RABGAP1L: variants seen among roughly 807,000 people sequenced by gnomAD.
RABGAP1L encodes the protein rab GTPase-activating protein 1-like.
A neutral mutation model predicts 137.7 loss-of-function variants in RABGAP1L; 63 were observed. That is an observed-to-expected ratio of 0.46 (90% CI 0.37 to 0.56). The LOEUF is 0.56. RABGAP1L is among the 20% of genes least tolerant of loss of function. The pLI, the probability that RABGAP1L is intolerant of heterozygous loss-of-function variation, is 0.00. For synonymous variants in RABGAP1L, 431 were observed against 433.7 expected (o/e 0.99, Z 0.08); for missense variants, 1,095 against 1,244.0 (o/e 0.88, Z 1.80).
intron 14 of RABGAP1L, among the ~76,000 whole-genome samples, chr1:174,642,714 C>T (rs1383762659): frequency 8.7e-5 from 12 of 137,902 alleles, no homozygotes; most frequent in African/African-American, 2.2e-4. Flanking sequence ...TTTTCTTTTT[C>T]TCTCTCTCTC....
intron 13 of RABGAP1L, among the ~76,000 whole-genome samples, chr1:174,598,462 A>T (rs1043002659): frequency 4.6e-5 from 7 of 151,698 alleles, no homozygotes; most frequent in African/African-American, 7.3e-5. Context: ...TTTTTTGTTG[A>T]TTTTTCAGTC....
chr1:174,775,673 A>G (rs141772752), intron 18 of RABGAP1L, among the ~76,000 whole-genome samples: 1 of 152,168 alleles, frequency 6.6e-6, no homozygotes, highest in African/African-American at 2.4e-5. Flanking sequence ...CTGACCTTTC[A>G]GTGTCTGTGA....
chr1:174,528,570 T>C (rs1664124782), intron 13 of RABGAP1L, among the ~76,000 whole-genome samples: 1 of 151,736 alleles, frequency 6.6e-6, no homozygotes. Context: ...AAGAAACTCA[T>C]TGTTAGTCTG....
chr1:174,364,542 C>G, intron 11 of RABGAP1L, among the ~76,000 whole-genome samples: 1 of 152,072 alleles, frequency 6.6e-6, no homozygotes, highest in Non-Finnish European at 1.5e-5. Context: ...GCGTGAGCCA[C>G]CGCGCCCGGC....
chr1:174,810,600 G>T (rs1479591458), intron 18 of RABGAP1L, among the ~76,000 whole-genome samples: 2 of 151,994 alleles, frequency 1.3e-5, no homozygotes, highest in Non-Finnish European at 2.9e-5. Flanking sequence ...TGATTTCTGG[G>T]TGCTTTTTTA....
chr1:174,224,081 T>G (rs1669982014), intron 3 of RABGAP1L, among the ~76,000 whole-genome samples: 1 of 152,140 alleles, frequency 6.6e-6, no homozygotes, highest in South Asian at 2.1e-4. Context: ...AAGTGAGAAA[T>G]AAGCCTGTAA....
intron 1 of RABGAP1L, among the ~76,000 whole-genome samples, chr1:174,160,613 C>CG (rs1195458713): frequency 5.3e-5 from 8 of 152,168 alleles, no homozygotes; most frequent in Non-Finnish European, 1.2e-4. Context: ...CTTTTGCTTG[C>CG]CTGACAGATT....
intron 19 of RABGAP1L, among the ~76,000 whole-genome samples, chr1:174,852,064 A>ATT (rs1648459855): frequency 6.6e-6 from 1 of 152,206 alleles, no homozygotes; most frequent in Non-Finnish European, 1.5e-5. Flanking sequence ...ATACACTAGA[A>ATT]CTTACCTTTC....
At chr1:174,312,524 A>G (rs1678957457) in intron 11 of RABGAP1L, among the ~76,000 whole-genome samples, 2 of 152,100 alleles carry the variant, frequency 1.3e-5, no homozygotes, top group South Asian at 4.1e-4. Context: ...TAGGTAGTTT[A>G]CAAATATTTT....
At chr1:174,573,484 AC>A (rs1360430727) in intron 13 of RABGAP1L, among the ~76,000 whole-genome samples, 9 of 152,146 alleles carry the variant, frequency 5.9e-5, no homozygotes, top group African/African-American at 2.2e-4. Flanking sequence ...CTTGGTTTAC[AC>A]AGAAATATTT....
intron 17 of RABGAP1L, among the ~76,000 whole-genome samples, chr1:174,748,406 C>T (rs1684055454): frequency 6.6e-6 from 1 of 152,106 alleles, no homozygotes. Flanking sequence ...TAGCCTGTTA[C>T]TAAACACATA....
chr1:174,467,464 A>T (rs1657429791), intron 13 of RABGAP1L, among the ~76,000 whole-genome samples: 1 of 152,038 alleles, frequency 6.6e-6, no homozygotes, highest in Non-Finnish European at 1.5e-5. Flanking sequence ...TGGGTATTTC[A>T]CTTAGCCATG....
rs1187288701 is a variant in RABGAP1L at position 174,830,720 on chromosome 1, G to T, written c.2340+18760G>T. On this transcript the variant is annotated intron_variant, in intron 19 of 25. Transcript: ENST00000681986. ...TCGAACTCCTGACCTCAGGTGATCTGCCCACCTCGGCATCCCAAAGTGCTG... is the reference window on the plus strand; with the variant it reads ...TCGAACTCCTGACCTCAGGTGATCTTCCCACCTCGGCATCCCAAAGTGCTG... 4.1e-5 allele frequency among the ~76,000 whole-genome samples: 6 copies of T among 147,918 alleles called. 2 individuals are homozygous for T. The highest frequency in any genetic ancestry group is 9.0e-5 in the Non-Finnish European group (6 of 66,572).
chr1:174,223,473 CT>C (rs1435870321), intron 3 of RABGAP1L, among the ~76,000 whole-genome samples: 2 of 145,974 alleles, frequency 1.4e-5, no homozygotes, highest in Non-Finnish European at 3.0e-5. Flanking sequence ...GATTTAACGA[CT>C]TTTAGGAAGG....
chr1:174,654,947 T>A (rs564743098), intron 14 of RABGAP1L, among the ~76,000 whole-genome samples: 2 of 94,658 alleles, frequency 2.1e-5, no homozygotes, highest in East Asian at 6.3e-4. Flanking sequence ...TTTTTTAAAC[T>A]CATTTTTTAT....
At chr1:174,347,389 C>T (rs1158508423) in intron 11 of RABGAP1L, among the ~76,000 whole-genome samples, 1 of 151,370 alleles carries the variant, frequency 6.6e-6, no homozygotes, top group East Asian at 1.9e-4. Context: ...TCTGGGTGCT[C>T]CAATGTTGGG....
chr1:174,615,010 G>T (rs1182908929), intron 13 of RABGAP1L, among the ~76,000 whole-genome samples: 1 of 152,064 alleles, frequency 6.6e-6, no homozygotes, highest in African/African-American at 2.4e-5. Context: ...TAACTTCTTT[G>T]CCTTTGGTTT....
Position 174,269,478 on chromosome 1 carries a change from A to G in RABGAP1L, c.987-2936A>G, listed in dbSNP as rs116491527. Among the ~76,000 whole-genome samples, 210 of 152,324 alleles carry G rather than the reference A, an allele frequency of 1.4e-3. 1 individual carries two copies. The highest frequency in any genetic ancestry group is 4.9e-3 in the African/African-American group (204 of 41,592). ...ATCCCGGTCGTGTAACTTAGTAGCT[A>G]TGTGGCTTTGGGCAAAACCATTGTT... On this transcript the variant is annotated intron_variant, in intron 7 of 25. Coordinates refer to ENST00000681986, the MANE Select transcript of RABGAP1L (RefSeq NM_001366446.1).
At chr1:174,217,427 T>C (rs1407875525) in intron 1 of RABGAP1L, among the ~76,000 whole-genome samples, 3 of 152,152 alleles carry the variant, frequency 2.0e-5, no homozygotes, top group African/African-American at 4.8e-5. Context: ...ACTTAGAGTG[T>C]GTGACAAGGG....
Sources: gnomAD v4.1 joint callset for allele counts (sites outside exome capture counted in the v4.1 genomes callset) on GRCh38, gnomAD v4.1.1 for gene constraint, MANE v1.5 for transcripts, NCBI Gene and HGNC (gene_info 2026-07-23, HGNC 2026-07-21) for gene names.